Variants in FBXW11 observed in about 807,000 individuals in gnomAD.
FBXW11 encodes the protein F-box and WD repeat domain containing 11.
A neutral mutation model predicts 77.6 loss-of-function variants in FBXW11; 19 were observed. That is an observed-to-expected ratio of 0.24 (90% CI 0.17 to 0.36). The LOEUF (loss-of-function observed/expected upper bound fraction) is 0.36. FBXW11 is among the 10% of genes least tolerant of loss of function. FBXW11 has a pLI of 1.00. For synonymous variants in FBXW11, 235 were observed against 249.4 expected, an observed-to-expected ratio of 0.94 and a Z score of 0.54; for missense variants, 334 against 704.2, an observed-to-expected ratio of 0.47 and a Z score of 5.95.
intron 1 of FBXW11, among the ~76,000 whole-genome samples, chr5:171,968,351 G>A (rs939576426): frequency 4.6e-5 from 7 of 151,822 alleles, no homozygotes; most frequent in African/African-American, 7.3e-5. Flanking sequence ...CCAGCTACAC[G>A]GGAGGCTGAG....
chr5:171,951,524 A>C (rs1036021558), intron 2 of FBXW11, among the ~76,000 whole-genome samples: 2 of 151,904 alleles, frequency 1.3e-5, no homozygotes, highest in African/African-American at 4.8e-5. Flanking sequence ...GCAACAGAGC[A>C]AGACCCAATC....
chr5:171,887,649 T>C (rs1561650100), intron 7 of FBXW11, among the ~76,000 whole-genome samples: 1 of 151,878 alleles, frequency 6.6e-6, no homozygotes, highest in Non-Finnish European at 1.5e-5. Context: ...TTTTCTTTGT[T>C]GTTTTCTGTT....
chr5:171,878,425 G>A (rs1055485553), intron 7 of FBXW11, among the ~76,000 whole-genome samples: 4 of 152,046 alleles, frequency 2.6e-5, no homozygotes, highest in East Asian at 1.9e-4. Context: ...AAAAGAATTC[G>A]CTCACTGACT....
At chr5:171,950,411 A>G (rs1254121278) in intron 2 of FBXW11, among the ~76,000 whole-genome samples, 1 of 144,470 alleles carries the variant, frequency 6.9e-6, no homozygotes, top group Non-Finnish European at 1.5e-5. Context: ...AAATGGAAAG[A>G]AAAAAAAAAA....
Position 171,925,376 on chromosome 5 carries a change from C to G in FBXW11, c.148-10971G>C, listed in dbSNP as rs558597113. Among the ~76,000 whole-genome samples, 4 of 152,160 alleles carry G rather than the reference C, an allele frequency of 2.6e-5. No individual in the cohort carries two copies. The South Asian group carries it at 8.3e-4, about 32-fold the overall frequency. On this transcript the variant is annotated intron_variant, in intron 2 of 13. Coordinates refer to ENST00000517395, the MANE Select transcript of FBXW11 (RefSeq NM_001378974.1). ...AATATCTGCCATCACCTGTTTTTAA[C>G]AAAAAGAGCCAGGCTACTGTTCAAT...
intron 2 of FBXW11, among the ~76,000 whole-genome samples, chr5:171,925,549 T>C (rs765780734): frequency 1.4e-4 from 21 of 152,234 alleles, no homozygotes; most frequent in Non-Finnish European, 2.8e-4. Flanking sequence ...GGCATGATCA[T>C]GGTTCACTAC....
chr5:172,006,579 G>C lies in FBXW11; in HGVS notation c.-77C>G. 5 of 1,420,284 alleles carry C rather than the reference G, an allele frequency of 3.5e-6. No individual in the cohort carries two copies. The highest frequency in any genetic ancestry group is 4.6e-6 in the Non-Finnish European group (5 of 1,084,870). 88.0% of individuals were successfully genotyped at this position (1,420,284 alleles called of 1,614,324 possible). A position where few individuals can be genotyped will look rare whatever the true frequency, so the allele number is the denominator to read the frequency against. ...GGGCGGAGGAGGCGACGGCGGAGGC[G>C]GCAGAGGCGGAGGCGGCTATCGCAC... On this transcript the variant is annotated 5_prime_UTR_variant, in exon 1 of 14. Coordinates refer to ENST00000517395, the MANE Select transcript of FBXW11 (RefSeq NM_001378974.1).
intron 2 of FBXW11, among the ~76,000 whole-genome samples, chr5:171,948,563 TC>T (rs1316817513): frequency 6.6e-6 from 1 of 151,832 alleles, no homozygotes; most frequent in Non-Finnish European, 1.5e-5. Flanking sequence ...CATAGGAAGA[TC>T]CCATTTCTAT....
intron 2 of FBXW11, among the ~76,000 whole-genome samples, chr5:171,949,116 A>T (rs914844818): frequency 6.6e-6 from 1 of 152,242 alleles, no homozygotes; most frequent in Non-Finnish European, 1.5e-5. Context: ...CAAAGTCCAT[A>T]TCATCAGTAA....
At chr5:171,971,102 G>A (rs1471605810) in intron 1 of FBXW11, among the ~76,000 whole-genome samples, 2 of 152,138 alleles carry the variant, frequency 1.3e-5, no homozygotes, top group African/African-American at 4.8e-5. Flanking sequence ...AGACCATTTT[G>A]TCCATGTTCT....
intron 9 of FBXW11, among the ~76,000 whole-genome samples, chr5:171,874,697 A>C (rs1408057768): frequency 6.9e-6 from 1 of 143,950 alleles, no homozygotes; most frequent in Non-Finnish European, 1.5e-5. Flanking sequence ...ACAGTTTGGC[A>C]GTTCCTCAAA....
Position 171,868,589 on chromosome 5 carries a change from AG to A in FBXW11, c.*25+20del, listed in dbSNP as rs763271487. On this transcript the variant is annotated intron_variant, in intron 13 of 13. Coordinates refer to ENST00000517395, the MANE Select transcript of FBXW11 (RefSeq NM_001378974.1). ...GGTGAATTCAATCAGCAAAATTGGA[AG>A]GGGAGAGGATAGTACTCACCTGAAA... is the stretch of plus-strand genomic sequence containing the variant. 1.3e-6 allele frequency: 2 copies of A among 1,546,784 alleles called. No homozygotes were observed. The highest frequency in any genetic ancestry group is 2.4e-5 in the South Asian group (2 of 82,582).
chr5:171,900,179 G>A lies in FBXW11; in HGVS notation c.437-79C>T, dbSNP rs569273334. The A allele has an allele frequency of 6.6e-4, 827 of 1,261,480 alleles. 3 individuals carry two copies. The highest frequency in any genetic ancestry group is 3.2e-4 in the Non-Finnish European group (294 of 915,412). 78.1% of individuals were successfully genotyped at this position (1,261,480 alleles called of 1,614,324 possible). On this transcript the variant is annotated intron_variant, in intron 4 of 13. Coordinates refer to ENST00000517395, the MANE Select transcript of FBXW11 (RefSeq NM_001378974.1). The stretch of plus-strand genomic sequence containing the variant: ...GCCATCATTTCCTTAAAGATAAGAG[G>A]AATAAAGAAATCCTGAACCAAGTAA...
intron 1 of FBXW11, among the ~76,000 whole-genome samples, chr5:171,974,326 T>C (rs747379481): frequency 1.5e-4 from 23 of 151,212 alleles, no homozygotes; most frequent in Middle Eastern, 3.4e-3. Context: ...CCCAGTTCCT[T>C]GGGAGGCTGA....
intron 2 of FBXW11, among the ~76,000 whole-genome samples, chr5:171,934,197 T>C (rs913195437): frequency 6.6e-6 from 1 of 152,208 alleles, no homozygotes; most frequent in African/African-American, 2.4e-5. Flanking sequence ...CAAACAGGCA[T>C]GTGATGTTAC....
chr5:171,973,985 T>C (rs1764678491), intron 1 of FBXW11, among the ~76,000 whole-genome samples: 2 of 152,214 alleles, frequency 1.3e-5, no homozygotes, highest in Admixed American at 6.5e-5. Context: ...TTTTGAGTAC[T>C]TATCTTTTAC....
chr5:172,003,696 C>T (rs1362538660), intron 1 of FBXW11, among the ~76,000 whole-genome samples: 1 of 152,088 alleles, frequency 6.6e-6, no homozygotes, highest in African/African-American at 2.4e-5. Context: ...CCTCAGGCAG[C>T]GGTAGGAGTC....
chr5:172,004,391 A>G (rs1398475571), intron 1 of FBXW11, among the ~76,000 whole-genome samples: 1 of 152,240 alleles, frequency 6.6e-6, no homozygotes, highest in East Asian at 1.9e-4. Flanking sequence ...CCCAGTTTAT[A>G]ATGTCCTTAA....
chr5:171,946,520 C>T (rs1763017045), intron 2 of FBXW11, among the ~76,000 whole-genome samples: 1 of 152,166 alleles, frequency 6.6e-6, no homozygotes, highest in East Asian at 1.9e-4. Flanking sequence ...CTACTACTTT[C>T]TCCCTCATTC....
Sources: allele counts gnomAD v4.1 joint callset (sites outside exome capture counted in the v4.1 genomes callset), GRCh38; gene constraint gnomAD v4.1.1; transcripts MANE v1.5; gene names NCBI Gene and HGNC (gene_info 2026-07-23, HGNC 2026-07-21).